The following RTL9 variants were observed in gnomAD, a reference collection of about 807,000 sequenced individuals.
The protein encoded by RTL9 is retrotransposon Gag like 9, also known as retrotransposon Gag-like protein 9.
A neutral mutation model predicts 44.7 loss-of-function variants in RTL9; 19 were observed. That is an observed-to-expected ratio of 0.42 (90% CI 0.30 to 0.62). The LOEUF is 0.62. Ranked by LOEUF, RTL9 falls within the 20% of genes least tolerant of loss-of-function variation. The pLI is 0.16. For synonymous variants in RTL9, 407 were observed against 398.9 expected, an observed-to-expected ratio of 1.02 and a Z score of -0.24; for missense variants, 1,105 against 1,080.6, an observed-to-expected ratio of 1.02 and a Z score of -0.32.
At chrX:110,438,314 G>C (rs148466388) in intron 1 of RTL9, among the ~76,000 whole-genome samples, 20 of 111,895 alleles carry the variant, frequency 1.8e-4, no homozygotes, top group Middle Eastern at 4.6e-3. Context: ...GGAGCGGATG[G>C]AGAGATTGGA....
chrX:110,392,761 T>C (rs1490661549), intron 1 of RTL9, among the ~76,000 whole-genome samples: 1 of 112,297 alleles, frequency 8.9e-6, no homozygotes, highest in Non-Finnish European at 1.9e-5. Context: ...AGTGACTCAA[T>C]TGATGTACCA....
intron 1 of RTL9, among the ~76,000 whole-genome samples, chrX:110,375,084 G>A (rs965136395): frequency 9.0e-6 from 1 of 111,697 alleles, no homozygotes; most frequent in African/African-American, 3.3e-5. Context: ...AAGTAGGCAA[G>A]CTTAGCAAAC....
intron 1 of RTL9, among the ~76,000 whole-genome samples, chrX:110,443,697 C>G (rs1215790663): frequency 8.9e-6 from 1 of 112,431 alleles, no homozygotes; most frequent in African/African-American, 3.2e-5. Context: ...ACGATCGGAT[C>G]TGCACTTCAG....
At chrX:110,380,386 C>T (rs1485210204) in intron 1 of RTL9, among the ~76,000 whole-genome samples, 1 of 111,192 alleles carries the variant, frequency 9.0e-6, no homozygotes, top group Non-Finnish European at 1.9e-5. Flanking sequence ...ATACATCTAA[C>T]CAAAGAGGTG....
At chrX:110,429,032 T>C (rs1452352436) in intron 1 of RTL9, among the ~76,000 whole-genome samples, 1 of 111,693 alleles carries the variant, frequency 9.0e-6, no homozygotes, top group Non-Finnish European at 1.9e-5. Context: ...GGCTGTTCCA[T>C]CTCTTCTACC....
intron 1 of RTL9, among the ~76,000 whole-genome samples, chrX:110,444,827 T>C (rs958786094): frequency 1.8e-5 from 2 of 112,284 alleles, no homozygotes; most frequent in African/African-American, 6.5e-5. Context: ...TCTCCGAGGA[T>C]TGACATCAAG....
At position 110,371,557 on chromosome X, in the gene RTL9, T is replaced by C. The variant is rs1247895335; in HGVS notation, c.-168+12641T>C. Among the ~76,000 whole-genome samples, 10 of 111,358 alleles carry C rather than the reference T, an allele frequency of 9.0e-5. No individual in the cohort carries two copies. The Admixed American group carries it at 9.5e-4, about 11-fold the overall frequency. On this transcript the variant is annotated intron_variant, in intron 1 of 2. Transcript: ENST00000520821. ...AGCCCCCCACTACCTTCCCAGCCTC[T>C]GGTAACCATATGAATTGGCTTCCTT... is the stretch of plus-strand genomic sequence containing the variant.
At chrX:110,453,551 G>A (rs766129440) in exon 1 of RTL9, 18 of 1,210,316 alleles carry the variant, frequency 1.5e-5, no homozygotes, top group Admixed American at 6.5e-5. Context: ...TGTCTATGCC[G>A]CTAATGGAAA....
At chrX:110,392,264 T>A (rs1374140675) in intron 1 of RTL9, among the ~76,000 whole-genome samples, 1 of 106,798 alleles carries the variant, frequency 9.4e-6, no homozygotes, top group East Asian at 2.9e-4. Context: ...CTCAAATTTC[T>A]ACCACAGGTT....
At chrX:110,456,304 A>AAAGT (rs2068980345) in exon 2 of RTL9, 1 of 112,879 alleles carries the variant, frequency 8.9e-6, no homozygotes, top group Non-Finnish European at 1.9e-5. Flanking sequence ...TGTAATTATA[A>AAAGT]AAGTAAGTAA....
At chrX:110,446,993 G>A (rs1361676863), upstream of RTL9, among the ~76,000 whole-genome samples, 2 of 110,186 alleles carry the variant, frequency 1.8e-5, no homozygotes, top group African/African-American at 6.6e-5. Flanking sequence ...AGATCATATA[G>A]GTAAAGCACT....
chrX:110,414,514 A>G (rs1261167423), upstream of RTL9, among the ~76,000 whole-genome samples: 1 of 113,239 alleles, frequency 8.8e-6, no homozygotes, highest in Non-Finnish European at 1.9e-5. Context: ...TAATCCTGCC[A>G]GCAGCCCTGC....
chrX:110,400,039 A>G (rs2068553530), intron 1 of RTL9, among the ~76,000 whole-genome samples: 1 of 110,308 alleles, frequency 9.1e-6, no homozygotes, highest in African/African-American at 3.3e-5. Context: ...GGGACATGTT[A>G]TGTGTGTGGC....
upstream of RTL9, among the ~76,000 whole-genome samples, chrX:110,415,049 A>G (rs943637639): frequency 9.0e-6 from 1 of 111,535 alleles, no homozygotes; most frequent in East Asian, 2.8e-4. Context: ...CACAGCATTC[A>G]TGTTTATCCC....
intron 1 of RTL9, among the ~76,000 whole-genome samples, chrX:110,379,089 T>C (rs1222268863): frequency 8.9e-6 from 1 of 112,232 alleles, no homozygotes; most frequent in Admixed American, 9.4e-5. Context: ...CCTGATTTTT[T>C]AAGAACATGC....
chrX:110,435,281 G>A (rs2068830398), intron 1 of RTL9, among the ~76,000 whole-genome samples: 1 of 111,626 alleles, frequency 9.0e-6, no homozygotes, highest in Non-Finnish European at 1.9e-5. Context: ...TAGTGTGGGA[G>A]TATCTTCTAA....
chrX:110,434,402 C>A (rs910436177), intron 1 of RTL9, among the ~76,000 whole-genome samples: 10 of 111,429 alleles, frequency 9.0e-5, no homozygotes, highest in Admixed American at 3.8e-4. Flanking sequence ...TGCATGCGGA[C>A]CAATTGGGAG....
chrX:110,359,672 T>C (rs1178294511), intron 1 of RTL9, among the ~76,000 whole-genome samples: 2 of 111,856 alleles, frequency 1.8e-5, no homozygotes, highest in Non-Finnish European at 3.8e-5. Flanking sequence ...ACTGAGTGTC[T>C]TACTGTATGG....
intron 1 of RTL9, among the ~76,000 whole-genome samples, chrX:110,444,612 G>T (rs1396758227): frequency 8.9e-6 from 1 of 112,300 alleles, no homozygotes; most frequent in African/African-American, 3.2e-5. Flanking sequence ...ATGATTTGTG[G>T]TTGTTCTGTT....
Sources: allele counts gnomAD v4.1 joint callset (sites outside exome capture counted in the v4.1 genomes callset), GRCh38; gene constraint gnomAD v4.1.1; transcripts MANE v1.5; gene names NCBI Gene and HGNC (gene_info 2026-07-23, HGNC 2026-07-21).